The following WWOX variants were observed in gnomAD, a reference collection of about 807,000 sequenced individuals.
WWOX encodes the protein WW domain-containing oxidoreductase.
In WWOX, 69 loss-of-function variants were observed where a neutral mutation model predicts 46.2. The observed-to-expected ratio is 1.49, with a 90% CI of 1.23 to 1.82. The LOEUF is 1.82. Among genes scored for constraint, WWOX ranks in the 40% most tolerant of loss-of-function variants. The pLI is 0.00. For synonymous variants in WWOX, 359 were observed against 202.6 expected (o/e 1.77, Z -6.56); for missense variants, 919 against 542.6 (o/e 1.69, Z -6.89).
intron 5 of WWOX, among the ~76,000 whole-genome samples, chr16:78,381,066 G>A (rs2081945614): frequency 1.3e-5 from 2 of 152,152 alleles, no homozygotes; most frequent in African/African-American, 4.8e-5. Flanking sequence ...AGTTGCCAGT[G>A]CATTGGACAT....
chr16:78,944,886 C>T (rs2045920111), intron 8 of WWOX, among the ~76,000 whole-genome samples: 1 of 152,034 alleles, frequency 6.6e-6, no homozygotes, highest in African/African-American at 2.4e-5. Flanking sequence ...AATTGAAAAA[C>T]TTTTCCTAAA....
chr16:79,128,740 G>C (rs555809755), intron 8 of WWOX, among the ~76,000 whole-genome samples: 147 of 152,320 alleles, frequency 9.7e-4, no homozygotes, highest in Non-Finnish European at 1.4e-3. Context: ...AAGTGCATTT[G>C]TAAGCCAGTA....
intron 8 of WWOX, among the ~76,000 whole-genome samples, chr16:78,537,809 G>T (rs77332763): frequency 0.042 from 6,341 of 152,136 alleles, 481 homozygotes; most frequent in African/African-American, 0.14. Context: ...GGGGTGTGCT[G>T]GGAGGGCCAG....
intron 6 of WWOX, among the ~76,000 whole-genome samples, chr16:78,421,669 A>G (rs1418791436): frequency 6.6e-6 from 1 of 152,222 alleles, no homozygotes; most frequent in Non-Finnish European, 1.5e-5. Context: ...TTGCTATGGG[A>G]ATGGTCTGCC....
intron 4 of WWOX, chr16:78,119,040 G>T (rs533996648): frequency 1.3e-5 from 2 of 152,170 alleles, no homozygotes; most frequent in Non-Finnish European, 2.9e-5. Context: ...GTATCCAGGG[G>T]GAAGCCATCT....
intron 5 of WWOX, among the ~76,000 whole-genome samples, chr16:78,311,953 T>C (rs1281866010): frequency 6.6e-6 from 1 of 152,176 alleles, no homozygotes; most frequent in Non-Finnish European, 1.5e-5. Flanking sequence ...TTTTGGATAC[T>C]GTAGAGGAGA....
intron 8 of WWOX, among the ~76,000 whole-genome samples, chr16:78,839,871 C>T (rs1019150195): frequency 6.6e-6 from 1 of 152,154 alleles, no homozygotes; most frequent in African/African-American, 2.4e-5. Context: ...AGTGACCTCC[C>T]AACCCCAGGA....
At chr16:79,005,878 T>C (rs28457088) in intron 8 of WWOX, among the ~76,000 whole-genome samples, 16,426 of 152,132 alleles carry the variant, frequency 0.11, 965 homozygotes, top group Middle Eastern at 0.25. Flanking sequence ...AGAGAGAAAC[T>C]CAACCTTGGT....
chr16:78,156,742 G>A (rs1265596547), intron 4 of WWOX, among the ~76,000 whole-genome samples: 1 of 152,132 alleles, frequency 6.6e-6, no homozygotes. Flanking sequence ...TGGCCAACAT[G>A]GTGAAATCCC....
chr16:78,728,587 A>G (rs1597503127), intron 8 of WWOX, among the ~76,000 whole-genome samples: 1 of 152,286 alleles, frequency 6.6e-6, no homozygotes, highest in South Asian at 2.1e-4. Flanking sequence ...GTCAAGTGAC[A>G]CCTTAGCATT....
At chr16:79,206,450 C>CCA (rs1459624244) in intron 8 of WWOX, 1 of 152,186 alleles carries the variant, frequency 6.6e-6, no homozygotes, top group East Asian at 1.9e-4. Context: ...GTAGGCTTCT[C>CCA]TCTAAATAAA....
At chr16:78,492,664 T>C (rs940563203) in intron 8 of WWOX, among the ~76,000 whole-genome samples, 1 of 152,240 alleles carries the variant, frequency 6.6e-6, no homozygotes, top group African/African-American at 2.4e-5. Flanking sequence ...ATATTGGCTT[T>C]GAGAAATTCT....
intron 8 of WWOX, among the ~76,000 whole-genome samples, chr16:79,145,459 C>A (rs1567580510): frequency 6.6e-6 from 1 of 152,174 alleles, no homozygotes; most frequent in African/African-American, 2.4e-5. Context: ...ATCTCAACCT[C>A]CCAAAGTGTT....
At chr16:78,981,092 T>A (rs2046672483) in intron 8 of WWOX, among the ~76,000 whole-genome samples, 1 of 152,216 alleles carries the variant, frequency 6.6e-6, no homozygotes, top group Non-Finnish European at 1.5e-5. Context: ...ATTCGAGTTC[T>A]TCCTGTGGAG....
intron 8 of WWOX, among the ~76,000 whole-genome samples, chr16:78,544,635 C>G (rs1027855332): frequency 6.6e-6 from 1 of 152,128 alleles, no homozygotes; most frequent in African/African-American, 2.4e-5. Context: ...CCTCTAATTC[C>G]AGCACTTTGA....
intron 8 of WWOX, among the ~76,000 whole-genome samples, chr16:79,044,701 G>T (rs1308392815): frequency 6.6e-6 from 1 of 152,166 alleles, no homozygotes; most frequent in Non-Finnish European, 1.5e-5. Flanking sequence ...TGCAAGAATG[G>T]CCTAATACAT....
At chr16:78,782,389 C>A (rs1478069539) in intron 8 of WWOX, among the ~76,000 whole-genome samples, 1 of 152,148 alleles carries the variant, frequency 6.6e-6, no homozygotes. Flanking sequence ...TTTCTCTTTC[C>A]CACAATCTAG....
chr16:79,209,212 T>G (rs1359771740), intron 8 of WWOX, among the ~76,000 whole-genome samples: 1 of 152,196 alleles, frequency 6.6e-6, no homozygotes, highest in African/African-American at 2.4e-5. Flanking sequence ...TGAAGCCAGT[T>G]GTAATTGCCT....
chr16:78,789,602 C>G (rs1161197702), intron 8 of WWOX, among the ~76,000 whole-genome samples: 1 of 152,080 alleles, frequency 6.6e-6, no homozygotes, highest in African/African-American at 2.4e-5. Flanking sequence ...CTTTGTTCTT[C>G]ATTTTCAAGA....
Sources: allele counts gnomAD v4.1 joint callset (sites outside exome capture counted in the v4.1 genomes callset), GRCh38; gene constraint gnomAD v4.1.1; transcripts MANE v1.5; gene names NCBI Gene and HGNC (gene_info 2026-07-23, HGNC 2026-07-21).